Variants in SRP72 observed in about 807,000 individuals in gnomAD.
SRP72 encodes the protein signal recognition particle 72.
Under a neutral mutation model 96.3 loss-of-function variants are expected in SRP72, and 49 were observed. The ratio of observed to expected loss-of-function variants is 0.51; its 90% CI spans 0.40 to 0.65. SRP72 has a LOEUF of 0.65. Ranked by LOEUF, SRP72 falls within the 30% of genes least tolerant of loss-of-function variation. SRP72 has a pLI of 0.00. For synonymous variants in SRP72, 267 were observed against 275.2 expected (o/e 0.97, Z 0.30); for missense variants, 736 against 793.3 (o/e 0.93, Z 0.87).
chr4:56,489,279 G>GT (rs1304779458), intron 12 of SRP72, 109 bp from the exon 13 acceptor site: 1 of 489,038 alleles, frequency 2.0e-6, no homozygotes, highest in Non-Finnish European at 3.7e-6. Flanking sequence ...GATAAATCAG[G>GT]TATTAGCGGA....
rs138986942 is a variant in SRP72 at position 56,478,422 on chromosome 4, A to C, written c.686A>C (p.His229Pro). Residue 229 changes from histidine (H) to proline (P), a missense_variant, in exon 7 of 19, where the codon CAT becomes CCT. Transcript: ENST00000642900. ...EDPQAELAIIHGQMAYILQLQ... is the reference protein window; with the variant it reads ...EDPQAELAIIPGQMAYILQLQ... The stretch of plus-strand genomic sequence containing the variant: ...CCACAGGCAGAACTGGCCATCATTC[A>C]TGGTCAGATGGCTTATATTCTGCAG... 6.2e-7 allele frequency: 1 copy of C among 1,612,988 alleles called. No homozygotes were observed. The highest frequency in any genetic ancestry group is 1.7e-5 in the Admixed American group (1 of 59,974).
intron 10 of SRP72, 32 bp from the exon 11 acceptor site, chr4:56,486,293 T>C (rs1324724867): frequency 6.6e-7 from 1 of 1,525,736 alleles, no homozygotes. Flanking sequence ...AAATTAAATG[T>C]GATTTTTTTC....
At position 56,469,367 on chromosome 4, in the gene SRP72, CTTTA is replaced by C. The variant is rs1719872901; in HGVS notation, c.110-282_110-279del. Among the ~76,000 whole-genome samples, 3 of 152,220 alleles carry C rather than the reference CTTTA, an allele frequency of 2.0e-5. No individual in the cohort carries two copies. In the South Asian group the frequency reaches 6.2e-4, roughly 32 times the overall value. On this transcript the variant is annotated intron_variant, in intron 1 of 18. Coordinates refer to ENST00000642900, the MANE Select transcript of SRP72 (RefSeq NM_006947.4). Reference sequence around the variant, plus strand: ...TATCTGGAGAAATTGCTTCTTTCTTCTTTATTTCACTGCACTTTTTTGGTACATG... The same window carrying C: ...TATCTGGAGAAATTGCTTCTTTCTTCTTTCACTGCACTTTTTTGGTACATG...
chr4:56,486,843 A>G (rs918882999), intron 11 of SRP72, among the ~76,000 whole-genome samples: 1 of 152,198 alleles, frequency 6.6e-6, no homozygotes, highest in Non-Finnish European at 1.5e-5. Context: ...GGGGAAAGGT[A>G]ATAGAATTTA....
intron 9 of SRP72, among the ~76,000 whole-genome samples, chr4:56,483,635 C>G (rs920159113): frequency 6.6e-5 from 10 of 151,356 alleles, no homozygotes; most frequent in African/African-American, 2.2e-4. Context: ...TGCCACTTCA[C>G]TCCAGCCTGG....
rs1027583156 is a variant in SRP72, at chr4:56,467,670, C to T, written c.35C>T (p.Pro12Leu). ...GGCGGCAGCGGGGGGGTGTCAGTAC[C>T]TGCGCTGTGGAGTGAAGTGAACCGG... The part of the protein sequence containing the change: ...ASGGSGGVSV[P>L]ALWSEVNRYG... Residue 12 changes from proline to leucine, a missense_variant, in exon 1 of 19, where the codon CCT (proline) becomes CTT (leucine). Pro to Leu is a moderately conservative substitution (Grantham distance 98). This residue lies in a region of SRP72 where 329 missense variants were observed against 319.0 expected (regional missense o/e 1.03). Transcript: ENST00000642900. 13 of 1,564,890 alleles carry T rather than the reference C, an allele frequency of 8.3e-6. No homozygotes were observed. The highest frequency in any genetic ancestry group is 1.9e-5 in the Admixed American group (1 of 52,002).
intron 5 of SRP72, among the ~76,000 whole-genome samples, chr4:56,475,402 AAAT>A (rs1720167779): frequency 6.8e-6 from 1 of 146,096 alleles, no homozygotes; most frequent in African/African-American, 2.7e-5. Flanking sequence ...TACAAAAAAA[AAAT>A]ATATATGTGG....
intron 1 of SRP72, 79 bp downstream of exon 1, chr4:56,467,823 C>T (rs1042977451): frequency 1.3e-5 from 17 of 1,302,608 alleles, no homozygotes; most frequent in Non-Finnish European, 1.6e-5. Context: ...GAGACCACCT[C>T]GCGCGGGAGG....
At position 56,503,385 on chromosome 4, in the gene SRP72, A is replaced by G. The variant is rs534074112; in HGVS notation, c.*1524A>G. ...ATCATTGAAAATTTTGACCCAAGGC[A>G]CAGCAGTGAAATTTATAGTTCTCAA... On this transcript the variant is annotated 3_prime_UTR_variant, in exon 19 of 19. Coordinates refer to ENST00000642900, the MANE Select transcript of SRP72 (RefSeq NM_006947.4). 15 of 152,360 alleles carry G rather than the reference A, an allele frequency of 9.8e-5. No homozygotes were observed. In the South Asian group the frequency reaches 2.1e-3, roughly 21 times the overall value. The allele number at this position is 152,360 out of a possible 1,614,324, so 9.4% of individuals were successfully genotyped here.
intron 10 of SRP72, among the ~76,000 whole-genome samples, 185 bp downstream of exon 10, chr4:56,485,049 T>C (rs1396606249): frequency 6.6e-6 from 1 of 152,214 alleles, no homozygotes; most frequent in East Asian, 1.9e-4. Context: ...TTCTTTGTGT[T>C]ATATAAATTT....
At chr4:56,483,673 GAAA>G (rs920717276) in intron 9 of SRP72, among the ~76,000 whole-genome samples, 2 of 126,440 alleles carry the variant, frequency 1.6e-5, no homozygotes, top group Admixed American at 1.6e-4. Flanking sequence ...TCTCCAAAAA[GAAA>G]AAAAAAAAAG....
intron 8 of SRP72, among the ~76,000 whole-genome samples, chr4:56,481,136 G>C (rs532119995): frequency 6.6e-6 from 1 of 152,278 alleles, no homozygotes; most frequent in African/African-American, 2.4e-5. Flanking sequence ...GTTTCTTTAG[G>C]ATTGATTTAT....
intron 17 of SRP72, among the ~76,000 whole-genome samples, chr4:56,499,474 C>T (rs2110133406): frequency 6.6e-6 from 1 of 152,088 alleles, no homozygotes; most frequent in South Asian, 2.1e-4. Context: ...TTTTGCAGTC[C>T]ATCTGACAAA....
chr4:56,468,139 A>G (rs1200108825), intron 1 of SRP72, among the ~76,000 whole-genome samples: 2 of 152,064 alleles, frequency 1.3e-5, no homozygotes, highest in Non-Finnish European at 2.9e-5. Context: ...TCAGGACTCT[A>G]TTGCTGAGGG....
In SRP72 at chr4:56,474,281, A is replaced by C; in HGVS notation, c.500A>C (p.Glu167Ala). The C allele has an allele frequency of 6.2e-7, 1 of 1,613,948 alleles. No individual in the cohort carries two copies. Among genetic ancestry groups the C allele is most frequent in the Middle Eastern group, 1.7e-4 (1 of 6,058 alleles). Reference sequence around the variant, plus strand: ...AACTGGTATTTTGTCCCCTGACAGGAGAACCTGGGCCTCCAAGAAGGCACA... The same window carrying C: ...AACTGGTATTTTGTCCCCTGACAGGCGAACCTGGGCCTCCAAGAAGGCACA... ...AQSNWEKVVPENLGLQEGTHE... is the reference protein window; with the variant it reads ...AQSNWEKVVPANLGLQEGTHE... The change falls in exon 5 of 19, where the codon GAG (glutamate) becomes GCG (alanine). Residue 167 changes from glutamate to alanine, a missense_variant and splice_region_variant. Around this residue, in one of 3 missense-constraint regions of SRP72, gnomAD observed 329 missense variants for 319.0 expected, o/e 1.03. Transcript: ENST00000642900.
At chr4:56,500,865 A>G (rs1169107665) in intron 18 of SRP72, among the ~76,000 whole-genome samples, 170 bp downstream of exon 18, 1 of 152,152 alleles carries the variant, frequency 6.6e-6, no homozygotes, top group East Asian at 1.9e-4. Context: ...GCCTTTTTAG[A>G]CTAGTTTTTC....
intron 8 of SRP72, among the ~76,000 whole-genome samples, chr4:56,481,919 C>T (rs1434084880): frequency 1.3e-5 from 2 of 151,410 alleles, no homozygotes; most frequent in East Asian, 4.0e-4. Flanking sequence ...TGTGCCACCA[C>T]ACCCAGCTAA....
rs1560692439 is a variant in SRP72, at chr4:56,502,905, C to G, written c.*1044C>G. ...GTCAATTTGTGGTGTAAATGTTGCT[C>G]TTGTCTTTCCTTGCTTACAAACTAC... On this transcript the variant is annotated 3_prime_UTR_variant, in exon 19 of 19. Transcript: ENST00000642900. 1 of 152,118 alleles carries G rather than the reference C, an allele frequency of 6.6e-6. No individual in the cohort carries two copies. Among genetic ancestry groups the G allele is most frequent in the Admixed American group, 6.5e-5 (1 of 15,276 alleles). The allele number at this position is 152,118 out of a possible 1,614,324, so 9.4% of individuals were successfully genotyped here. A position where few individuals can be genotyped will look rare whatever the true frequency, so the allele number is the denominator to read the frequency against.
intron 9 of SRP72, among the ~76,000 whole-genome samples, chr4:56,484,266 C>T (rs1452808688): frequency 1.3e-5 from 2 of 151,816 alleles, no homozygotes; most frequent in Non-Finnish European, 2.9e-5. Flanking sequence ...GATCTCCTGA[C>T]CTCGTGATCT....
Sources: gnomAD v4.1 joint callset for allele counts (sites outside exome capture counted in the v4.1 genomes callset) on GRCh38, gnomAD v4.1.1 for gene constraint, gnomAD v4.1.1 regional missense constraint, MANE v1.5 for transcripts, NCBI Gene and HGNC (gene_info 2026-07-23, HGNC 2026-07-21) for gene names.